The following FBXO25 variants were observed in gnomAD, a reference collection of about 807,000 sequenced individuals.
FBXO25 encodes F-box only protein 25.
In FBXO25, 45 loss-of-function variants were observed where a neutral mutation model predicts 51.9. The observed-to-expected ratio is 0.87, with a 90% CI of 0.68 to 1.11. The LOEUF (loss-of-function observed/expected upper bound fraction) is 1.11. FBXO25 is among the 50% of genes most tolerant of loss of function. FBXO25 has a pLI of 0.00. For missense variants in FBXO25, 507 were observed against 428.5 expected (o/e 1.18, Z -1.62); for synonymous variants, 199 against 151.0 (o/e 1.32, Z -2.33).
At chr8:430,703 T>G (rs1797774205) in intron 2 of FBXO25, among the ~76,000 whole-genome samples, 1 of 152,226 alleles carries the variant, frequency 6.6e-6, no homozygotes, top group African/African-American at 2.4e-5. Flanking sequence ...TACAGGTGTT[T>G]TTTTAAAAAG....
chr8:415,259 A>C (rs939588546), intron 2 of FBXO25, among the ~76,000 whole-genome samples: 3 of 152,190 alleles, frequency 2.0e-5, no homozygotes, highest in Non-Finnish European at 4.4e-5. Flanking sequence ...ACGTGCGTGA[A>C]AATAGGCCTT....
In FBXO25 at chr8:471,566, C is replaced by T. The variant is rs533128453; in HGVS notation, c.*2762C>T. The T allele has an allele frequency of 1.3e-3, 196 of 152,292 alleles. No individual in the cohort carries two copies. Among genetic ancestry groups the T allele is most frequent in the African/African-American group, 4.5e-3 (186 of 41,564 alleles). The allele number at this position is 152,292 out of a possible 1,614,324, so 9.4% of individuals were successfully genotyped here. On this transcript the variant is annotated 3_prime_UTR_variant, in exon 10 of 10. Transcript: ENST00000350302. ...AGTAAGTTTCACTTGCCCATCGCTC[C>T]TGTGAAAGGCAATGCCAGACACTCT...
intron 1 of FBXO25, among the ~76,000 whole-genome samples, 199 bp from the exon 2 acceptor site, chr8:412,874 C>G (rs879344444): frequency 6.6e-6 from 1 of 152,160 alleles, no homozygotes; most frequent in African/African-American, 2.4e-5. Flanking sequence ...AGTAAAACCA[C>G]GTTTACTTAC....
At chr8:465,838 T>G (rs1399114477) in intron 9 of FBXO25, among the ~76,000 whole-genome samples, 1 of 152,190 alleles carries the variant, frequency 6.6e-6, no homozygotes, top group Non-Finnish European at 1.5e-5. Context: ...CTGCCTTAGT[T>G]TCCTGAAATA....
intron 5 of FBXO25, among the ~76,000 whole-genome samples, chr8:436,667 T>C (rs1798121707): frequency 6.6e-6 from 1 of 152,166 alleles, no homozygotes; most frequent in Non-Finnish European, 1.5e-5. Context: ...GATAGGTACC[T>C]TTCTTATAGA....
chr8:425,862 C>G (rs1302020234), intron 2 of FBXO25, among the ~76,000 whole-genome samples: 1 of 148,956 alleles, frequency 6.7e-6, no homozygotes, highest in Admixed American at 6.7e-5. Flanking sequence ...TGCTTTTATC[C>G]TTTTGGTATT....
chr8:448,513 A>G (rs1188069642), intron 5 of FBXO25, among the ~76,000 whole-genome samples: 2 of 152,212 alleles, frequency 1.3e-5, no homozygotes, highest in Admixed American at 1.3e-4. Flanking sequence ...CATCTTTTGT[A>G]TCCAGTCTGC....
intron 7 of FBXO25, among the ~76,000 whole-genome samples, chr8:453,121 G>T (rs1799196775): frequency 6.6e-6 from 1 of 152,202 alleles, no homozygotes; most frequent in Admixed American, 6.5e-5. Context: ...AGAAGGATAG[G>T]TGTTACTGTA....
At chr8:443,566 T>C (rs1275324788) in intron 5 of FBXO25, among the ~76,000 whole-genome samples, 1 of 151,006 alleles carries the variant, frequency 6.6e-6, no homozygotes, top group African/African-American at 2.4e-5. Context: ...AAAAATAGAA[T>C]GACTTCTCAC....
At chr8:429,653 C>G (rs1478406063) in intron 2 of FBXO25, among the ~76,000 whole-genome samples, 1 of 152,156 alleles carries the variant, frequency 6.6e-6, no homozygotes, top group Non-Finnish European at 1.5e-5. Flanking sequence ...AACCCACAAC[C>G]AAAAAGTAAT....
rs1036989097 is a variant in FBXO25 at position 473,835 on chromosome 8, A to T, written c.*5031A>T. ...GTTTTTGCATGGAAATTTCATTTTT[A>T]TTTGATAATCATTTGAGAAACTTGC... On this transcript the variant is annotated 3_prime_UTR_variant, in exon 10 of 10. Transcript: ENST00000350302. 1 of 152,210 alleles carries T rather than the reference A, an allele frequency of 6.6e-6. No individual in the cohort carries two copies. The highest frequency in any genetic ancestry group is 2.4e-5 in the African/African-American group (1 of 41,456). The allele number at this position is 152,210 out of a possible 1,614,324, so 9.4% of individuals were successfully genotyped here. A position where few individuals can be genotyped will look rare whatever the true frequency, so the allele number is the denominator to read the frequency against.
Position 474,818 on chromosome 8 carries a change from G to A in FBXO25, c.*6014G>A, listed in dbSNP as rs1364755239. Reference sequence around the variant, plus strand: ...TGCCTTTCACTCTGTTTTGTTCTTTGATGTACAGAAGTTGTTTCTTTCTTT... The same window carrying A: ...TGCCTTTCACTCTGTTTTGTTCTTTAATGTACAGAAGTTGTTTCTTTCTTT... On this transcript the variant is annotated 3_prime_UTR_variant, in exon 10 of 10. Coordinates refer to ENST00000350302, the MANE Select transcript of FBXO25 (RefSeq NM_183420.2). 2.4e-6 allele frequency: 1 copy of A among 415,560 alleles called. No homozygotes were observed. The highest frequency in any genetic ancestry group is 2.1e-5 in the African/African-American group (1 of 47,472). The allele number at this position is 415,560 out of a possible 1,614,324, so 25.7% of individuals were successfully genotyped here. A position where few individuals can be genotyped will look rare whatever the true frequency, so the allele number is the denominator to read the frequency against.
Position 474,786 on chromosome 8 carries a change from C to T in FBXO25, c.*5982C>T, listed in dbSNP as rs772573288. 25 of 455,354 alleles carry T rather than the reference C, an allele frequency of 5.5e-5. No homozygotes were observed. The highest frequency in any genetic ancestry group is 2.4e-4 in the Admixed American group (10 of 42,234). 28.2% of individuals were successfully genotyped at this position (455,354 alleles called of 1,614,324 possible). A position where few individuals can be genotyped will look rare whatever the true frequency, so the allele number is the denominator to read the frequency against. On this transcript the variant is annotated 3_prime_UTR_variant, in exon 10 of 10. Transcript: ENST00000350302. ...CATTTTAAAATACTTTGTCCCATTC[C>T]GTGGATTGCCTTTCACTCTGTTTTG...
intron 2 of FBXO25, among the ~76,000 whole-genome samples, chr8:417,170 G>C (rs1796858859): frequency 1.3e-5 from 2 of 152,250 alleles, no homozygotes; most frequent in African/African-American, 4.8e-5. Flanking sequence ...CAGCCTGACT[G>C]GGTCCCAGCT....
chr8:407,636 G>T (rs1022559615), intron 1 of FBXO25, among the ~76,000 whole-genome samples: 10 of 151,974 alleles, frequency 6.6e-5, no homozygotes, highest in Non-Finnish European at 1.5e-4. Flanking sequence ...GACTCCTGCC[G>T]GCGTTTGCCC....
rs370397857 is a variant in FBXO25 at position 470,571 on chromosome 8, G to A, written c.*1767G>A. 4 of 152,252 alleles carry A rather than the reference G, an allele frequency of 2.6e-5. No individual in the cohort carries two copies. In the East Asian group the frequency reaches 5.8e-4, roughly 22 times the overall value. The allele number at this position is 152,252 out of a possible 1,614,324, so 9.4% of individuals were successfully genotyped here. ...TTTTTTTGTATTTTTAGTAGAGATGGGGTTTCACCATGTTGCCCAGGCTGG... is the reference window on the plus strand; with the variant it reads ...TTTTTTTGTATTTTTAGTAGAGATGAGGTTTCACCATGTTGCCCAGGCTGG... On this transcript the variant is annotated 3_prime_UTR_variant, in exon 10 of 10. Coordinates refer to ENST00000350302, the MANE Select transcript of FBXO25 (RefSeq NM_183420.2).
intron 5 of FBXO25, 64 bp from the exon 6 acceptor site, chr8:449,926 C>T: frequency 9.0e-7 from 1 of 1,107,846 alleles, no homozygotes; most frequent in Non-Finnish European, 1.3e-6. Context: ...TGTTATATCA[C>T]TGTGGTTTGT....
intron 9 of FBXO25, 65 bp from the exon 10 acceptor site, chr8:468,650 A>C: frequency 1.5e-6 from 2 of 1,292,744 alleles, no homozygotes; most frequent in East Asian, 4.7e-5. Flanking sequence ...CGACCCCTCA[A>C]GCACCATCAC....
At chr8:451,988 T>A (rs368083438) in intron 7 of FBXO25, among the ~76,000 whole-genome samples, 1 of 152,198 alleles carries the variant, frequency 6.6e-6, no homozygotes, top group African/African-American at 2.4e-5. Context: ...TTGCCCCGAG[T>A]ATTTAGATAG....
Sources: allele counts gnomAD v4.1 joint callset (sites outside exome capture counted in the v4.1 genomes callset), GRCh38; gene constraint gnomAD v4.1.1; transcripts MANE v1.5; gene names NCBI Gene and HGNC (gene_info 2026-07-23, HGNC 2026-07-21).